The following SERPINF1 variants were observed in gnomAD, a reference collection of about 807,000 sequenced individuals.
The protein encoded by SERPINF1 is pigment epithelium-derived factor.
SERPINF1 carries 29 observed loss-of-function variants against 37.3 expected under a neutral mutation model. The observed-to-expected ratio is 0.78, with a 90% CI of 0.58 to 1.06. The LOEUF (loss-of-function observed/expected upper bound fraction) is 1.06, where lower values mean the gene tolerates loss of function less well. Among genes scored for constraint, SERPINF1 ranks in the 50% least tolerant of loss-of-function variants. SERPINF1 has a pLI of 0.00. For synonymous variants in SERPINF1, 281 were observed against 227.9 expected, an observed-to-expected ratio of 1.23 and a Z score of -2.10; for missense variants, 553 against 532.2, an observed-to-expected ratio of 1.04 and a Z score of -0.38.
chr17:1,775,949 CAGTG>C (rs1908001603), intron 6 of SERPINF1, among the ~76,000 whole-genome samples: 6 of 152,214 alleles, frequency 3.9e-5, no homozygotes, highest in Admixed American at 3.9e-4. Context: ...AATCTGACGA[CAGTG>C]CCTCAAACCC....
chr17:1,771,186 T>C lies in SERPINF1; in HGVS notation c.439+2T>C, dbSNP rs1391673423. 1 of 1,611,642 alleles carries C rather than the reference T, an allele frequency of 6.2e-7. No individual in the cohort carries two copies. The highest frequency in any genetic ancestry group is 1.3e-5 in the African/African-American group (1 of 74,242). On this transcript the variant is annotated splice_donor_variant, in intron 4 of 7. Coordinates refer to ENST00000254722, the MANE Select transcript of SERPINF1 (RefSeq NM_002615.7). LOFTEE classifies it high-confidence loss of function. ...CCTCCCGGATCGTCTTTGAGAAGAG[T>C]GAGTCGCCTTTGCAGCCCAAGTTGC...
chr17:1,777,093 T>G (rs1908083673), intron 7 of SERPINF1, 94 bp from the exon 8 acceptor site: 9 of 1,595,436 alleles, frequency 5.6e-6, no homozygotes, highest in Admixed American at 1.7e-5. Context: ...AAGTCAACAG[T>G]GCTGCGCCAT....
intron 5 of SERPINF1, 54 bp from the exon 6 acceptor site, chr17:1,775,004 C>A: frequency 1.2e-6 from 2 of 1,612,302 alleles, no homozygotes; most frequent in South Asian, 2.2e-5. Flanking sequence ...CAGCATGGCG[C>A]CACTGTCTTT....
intron 2 of SERPINF1, among the ~76,000 whole-genome samples, chr17:1,767,930 G>T (rs891222455): frequency 1.3e-4 from 20 of 152,346 alleles, no homozygotes; most frequent in Admixed American, 3.3e-4. Context: ...TCTGCCGGGT[G>T]CGGTGGCTCA....
At chr17:1,775,912 C>T (rs1907999409) in intron 6 of SERPINF1, among the ~76,000 whole-genome samples, 1 of 152,188 alleles carries the variant, frequency 6.6e-6, no homozygotes, top group Non-Finnish European at 1.5e-5. Flanking sequence ...TTTCTTGGGC[C>T]ACGGCTATCA....
intron 7 of SERPINF1, 90 bp downstream of exon 7, chr17:1,776,832 C>A: frequency 8.2e-7 from 1 of 1,220,174 alleles, no homozygotes; most frequent in Non-Finnish European, 1.2e-6. Flanking sequence ...AACGCAAGGG[C>A]TCCACAGGCT....
chr17:1,763,741 C>G (rs1200906638), intron 1 of SERPINF1, among the ~76,000 whole-genome samples: 1 of 152,242 alleles, frequency 6.6e-6, no homozygotes, highest in Admixed American at 6.5e-5. Flanking sequence ...CATGTCCCTT[C>G]CCTGCCAGGC....
chr17:1,774,928 C>A, intron 5 of SERPINF1, 130 bp from the exon 6 acceptor site: 1 of 1,089,476 alleles, frequency 9.2e-7, no homozygotes, highest in Non-Finnish European at 1.4e-6. Context: ...TTCCCTGAGG[C>A]CTCAGAGCCC....
In SERPINF1 at chr17:1,775,128, C is replaced by A; in HGVS notation, c.714C>A (p.Thr238=). 1 of 1,613,566 alleles carries A rather than the reference C, an allele frequency of 6.2e-7. No homozygotes were observed. The highest frequency in any genetic ancestry group is 2.2e-5 in the East Asian group (1 of 44,846). ...LEDFYLDEER[T]VRVPMMSDPK... ...ATTTCTACTTGGATGAAGAGAGGAC[C>A]GTGAGGGTCCCCATGATGTCGGACC... is the stretch of plus-strand genomic sequence containing the variant. The change falls in exon 6 of 8, where the codon ACC becomes ACA. Residue 238 remains threonine, a synonymous_variant. Coordinates refer to ENST00000254722, the MANE Select transcript of SERPINF1 (RefSeq NM_002615.7).
At chr17:1,776,881 G>A (rs1207300908) in intron 7 of SERPINF1, 139 bp downstream of exon 7, 4 of 830,674 alleles carry the variant, frequency 4.8e-6, no homozygotes, top group African/African-American at 1.7e-5. Flanking sequence ...TCCTCATCGT[G>A]CCAGAAGGGA....
chr17:1,777,096 T>C (rs1249676902), intron 7 of SERPINF1, 91 bp from the exon 8 acceptor site: 3 of 1,599,010 alleles, frequency 1.9e-6, no homozygotes, highest in African/African-American at 2.7e-5. Context: ...TCAACAGTGC[T>C]GCGCCATCCC....
chr17:1,767,083 A>T (rs1297604967), intron 2 of SERPINF1, 89 bp downstream of exon 2: 2 of 1,164,062 alleles, frequency 1.7e-6, no homozygotes. Flanking sequence ...ACCCGGACCC[A>T]GGTTCCAGGC....
chr17:1,774,206 T>G (rs1017051501), intron 5 of SERPINF1, among the ~76,000 whole-genome samples: 1 of 152,096 alleles, frequency 6.6e-6, no homozygotes, highest in African/African-American at 2.4e-5. Flanking sequence ...TTCTTTCTTT[T>G]GTTTTTGAGA....
At chr17:1,774,542 C>G (rs943390401) in intron 5 of SERPINF1, among the ~76,000 whole-genome samples, 6 of 151,994 alleles carry the variant, frequency 3.9e-5, no homozygotes, top group African/African-American at 1.2e-4. Flanking sequence ...ATGTTGGCCA[C>G]GCTGGTCTCA....
chr17:1,772,574 T>A (rs867287686), intron 5 of SERPINF1, among the ~76,000 whole-genome samples: 3 of 129,782 alleles, frequency 2.3e-5, no homozygotes, highest in Admixed American at 8.0e-5. Context: ...TTATTTATTT[T>A]TTGAGACAGA....
At chr17:1,771,445 T>A (rs1322838757) in intron 4 of SERPINF1, among the ~76,000 whole-genome samples, 7 of 151,888 alleles carry the variant, frequency 4.6e-5, no homozygotes, top group South Asian at 2.1e-4. Flanking sequence ...TCACCGTGTT[T>A]GCCAGGATAG....
At chr17:1,773,619 C>G (rs1422373487) in intron 5 of SERPINF1, among the ~76,000 whole-genome samples, 1 of 152,254 alleles carries the variant, frequency 6.6e-6, no homozygotes, top group Admixed American at 6.5e-5. Context: ...CATAACCTTT[C>G]TGGGCCTACG....
At chr17:1,773,628 C>T (rs906509455) in intron 5 of SERPINF1, among the ~76,000 whole-genome samples, 13 of 152,382 alleles carry the variant, frequency 8.5e-5, no homozygotes, top group African/African-American at 1.9e-4. Context: ...TCTGGGCCTA[C>T]GTTCTCACCT....
intron 5 of SERPINF1, among the ~76,000 whole-genome samples, chr17:1,774,562 C>G (rs1907915426): frequency 6.6e-6 from 1 of 152,146 alleles, no homozygotes; most frequent in Non-Finnish European, 1.5e-5. Context: ...AAACTCCTGA[C>G]CTCAAGTGAT....
Sources: gnomAD v4.1 joint callset for allele counts (sites outside exome capture counted in the v4.1 genomes callset) on GRCh38, gnomAD v4.1.1 for gene constraint, MANE v1.5 for transcripts, NCBI Gene and HGNC (gene_info 2026-07-23, HGNC 2026-07-21) for gene names.